The following XIRP2 variants were observed in gnomAD, a reference collection of about 807,000 sequenced individuals.
XIRP2 encodes xin actin-binding repeat-containing protein 2.
Under a neutral mutation model 277.0 loss-of-function variants are expected in XIRP2, and 236 were observed. The ratio of observed to expected loss-of-function variants is 0.85; its 90% CI spans 0.77 to 0.95. The LOEUF is 0.95. Among genes scored for constraint, XIRP2 ranks in the 40% least tolerant of loss-of-function variants. XIRP2 has a pLI of 0.00. For missense variants in XIRP2, 4,640 were observed against 4,157.5 expected, an observed-to-expected ratio of 1.12 and a Z score of -3.19; for synonymous variants, 1,490 against 1,416.5, an observed-to-expected ratio of 1.05 and a Z score of -1.17.
chr2:166,908,695 C>T (rs1213189424), intron 2 of XIRP2, among the ~76,000 whole-genome samples: 3 of 152,190 alleles, frequency 2.0e-5, no homozygotes, highest in Non-Finnish European at 4.4e-5. Context: ...TTGCCCATGC[C>T]TATGTCCTGA....
chr2:167,157,702 T>A lies in XIRP2; in HGVS notation c.562+21640T>A, dbSNP rs534290279. ...AATCAAAGCAGCTTGTGGGATGTTA[T>A]CAATTTTATGCACTTACAAAGAAAA... On this transcript the variant is annotated intron_variant, in intron 3 of 10. Coordinates refer to ENST00000409195, the MANE Select transcript of XIRP2 (RefSeq NM_152381.6). 2.0e-5 allele frequency among the ~76,000 whole-genome samples: 3 copies of A among 152,276 alleles called. No homozygotes were observed. In the South Asian group the frequency reaches 6.2e-4, roughly 32 times the overall value.
chr2:166,912,396 G>A (rs539896070), intron 2 of XIRP2, among the ~76,000 whole-genome samples: 21 of 152,180 alleles, frequency 1.4e-4, no homozygotes, highest in East Asian at 1.4e-3. Context: ...CTAGTTGATC[G>A]AATCGGCTAT....
intron 2 of XIRP2, among the ~76,000 whole-genome samples, chr2:167,041,528 A>G (rs776844077): frequency 3.3e-5 from 5 of 152,210 alleles, no homozygotes; most frequent in Non-Finnish European, 7.3e-5. Flanking sequence ...TCATAATACA[A>G]TCAGAAGTAT....
In XIRP2 at chr2:167,250,783, C is replaced by G; in HGVS notation, c.9391C>G (p.Arg3131Gly). 1 of 1,613,492 alleles carries G rather than the reference C, an allele frequency of 6.2e-7. No individual in the cohort carries two copies. Among genetic ancestry groups the G allele is most frequent in the Non-Finnish European group, 8.5e-7 (1 of 1,179,706 alleles). The change falls in exon 9 of 11, where the codon CGA becomes GGA. Residue 3131 changes from arginine to glycine, a missense_variant. By Grantham distance (125) the Arg-to-Gly change is moderately radical (BLOSUM62 -2). Coordinates refer to ENST00000409195, the MANE Select transcript of XIRP2 (RefSeq NM_152381.6). ...PTFITIESTA[R>G]RTENPTKNEL... ...TTTTATCACAATAGAATCTACTGCC[C>G]GACGAACAGAAAACCCTACTAAGAA...
chr2:166,974,129 C>A (rs143845114), intron 2 of XIRP2, among the ~76,000 whole-genome samples: 1 of 152,034 alleles, frequency 6.6e-6, no homozygotes, highest in Admixed American at 6.5e-5. Context: ...GTGCTGATTG[C>A]GATCTGTGTT....
chr2:166,913,021 G>T (rs1171324195), intron 2 of XIRP2, among the ~76,000 whole-genome samples: 2 of 152,190 alleles, frequency 1.3e-5, no homozygotes, highest in Non-Finnish European at 2.9e-5. Context: ...CCTACTGGAG[G>T]ATGCCTCCCA....
intron 2 of XIRP2, among the ~76,000 whole-genome samples, chr2:167,112,389 T>C (rs1690781561): frequency 6.6e-6 from 1 of 151,942 alleles, no homozygotes; most frequent in African/African-American, 2.4e-5. Flanking sequence ...AATGAATATC[T>C]TGATTTCTGC....
chr2:167,257,882 G>T lies in XIRP2; in HGVS notation c.*65G>T. On this transcript the variant is annotated 3_prime_UTR_variant, in exon 11 of 11. Coordinates refer to ENST00000409195, the MANE Select transcript of XIRP2 (RefSeq NM_152381.6). ...TTTGGGAAATTATGCATCACTTCAT[G>T]GACAAATATACTGTAAACCTCACTT... 2 of 1,599,774 alleles carry T rather than the reference G, an allele frequency of 1.3e-6. No individual in the cohort carries two copies.
At chr2:167,053,574 G>C (rs556606340) in intron 2 of XIRP2, among the ~76,000 whole-genome samples, 7 of 152,106 alleles carry the variant, frequency 4.6e-5, no homozygotes, top group African/African-American at 1.7e-4. Flanking sequence ...AAAACTAAGT[G>C]CAAATTCTGT....
At chr2:167,022,209 G>C (rs1046025778) in intron 2 of XIRP2, among the ~76,000 whole-genome samples, 4 of 151,982 alleles carry the variant, frequency 2.6e-5, no homozygotes. Context: ...AAATTGTATG[G>C]GGAGCAATAT....
intron 2 of XIRP2, among the ~76,000 whole-genome samples, chr2:166,912,954 T>C (rs1397796430): frequency 6.6e-6 from 1 of 152,164 alleles, no homozygotes; most frequent in African/African-American, 2.4e-5. Context: ...TGCCTGATCA[T>C]TCCTCTGGAA....
intron 2 of XIRP2, chr2:167,124,568 T>A (rs1691146597): frequency 1.3e-5 from 2 of 152,198 alleles, no homozygotes; most frequent in South Asian, 2.1e-4. Context: ...TCAGTGTGGC[T>A]ACAAAGGTGG....
chr2:167,179,876 G>A (rs1692964903), intron 3 of XIRP2, among the ~76,000 whole-genome samples: 1 of 151,938 alleles, frequency 6.6e-6, no homozygotes, highest in Non-Finnish European at 1.5e-5. Context: ...TCAAACTCCT[G>A]GGCTCAGGTC....
At chr2:167,146,759 A>G (rs1047918553) in intron 3 of XIRP2, among the ~76,000 whole-genome samples, 1 of 152,110 alleles carries the variant, frequency 6.6e-6, no homozygotes, top group South Asian at 2.1e-4. Flanking sequence ...TGTCAGATGC[A>G]GCATGCACAA....
At chr2:167,082,918 C>T (rs969321007) in intron 2 of XIRP2, among the ~76,000 whole-genome samples, 1 of 152,096 alleles carries the variant, frequency 6.6e-6, no homozygotes, top group African/African-American at 2.4e-5. Context: ...ATGGTAGTTT[C>T]TTTTGCTGTG....
At chr2:167,179,753 C>A (rs1002901781) in intron 3 of XIRP2, among the ~76,000 whole-genome samples, 1 of 151,944 alleles carries the variant, frequency 6.6e-6, no homozygotes, top group African/African-American at 2.4e-5. Context: ...GATGCTCTTA[C>A]CTCAGCCTCT....
intron 2 of XIRP2, among the ~76,000 whole-genome samples, chr2:166,973,352 T>A (rs1197190675): frequency 6.6e-6 from 1 of 152,208 alleles, no homozygotes; most frequent in African/African-American, 2.4e-5. Flanking sequence ...AGAGCTTCTG[T>A]CATTATCTTT....
chr2:166,915,937 C>A (rs1310643514), intron 2 of XIRP2, among the ~76,000 whole-genome samples: 1 of 152,186 alleles, frequency 6.6e-6, no homozygotes, highest in Admixed American at 6.5e-5. Context: ...TCACCATATA[C>A]AAGTTGTACT....
At chr2:167,151,659 A>G (rs554206595) in intron 3 of XIRP2, among the ~76,000 whole-genome samples, 2 of 152,296 alleles carry the variant, frequency 1.3e-5, no homozygotes, top group Admixed American at 6.5e-5. Flanking sequence ...GATTATTAAA[A>G]TGCAGATTTC....
Sources: allele counts gnomAD v4.1 joint callset (sites outside exome capture counted in the v4.1 genomes callset), GRCh38; gene constraint gnomAD v4.1.1; transcripts MANE v1.5; gene names NCBI Gene and HGNC (gene_info 2026-07-23, HGNC 2026-07-21).